Variants in PAPPA2 observed in about 807,000 individuals in gnomAD.
The protein encoded by PAPPA2 is pappalysin-2.
Under a neutral mutation model 176.4 loss-of-function variants are expected in PAPPA2, and 86 were observed. The observed-to-expected ratio is 0.49, with a 90% CI of 0.41 to 0.58. The LOEUF is 0.58. PAPPA2 is among the 20% of genes least tolerant of loss of function. The pLI is 0.00. For missense variants in PAPPA2, 2,073 were observed against 2,256.9 expected (o/e 0.92, Z 1.65); for synonymous variants, 809 against 852.2 (o/e 0.95, Z 0.88).
chr1:176,622,157 T>C lies in PAPPA2; in HGVS notation c.1991+26562T>C, dbSNP rs148441434. 1.1e-3 allele frequency among the ~76,000 whole-genome samples: 167 copies of C among 152,302 alleles called. 1 individual carries two copies. The highest frequency in any genetic ancestry group is 3.9e-3 in the African/African-American group (162 of 41,554). On this transcript the variant is annotated intron_variant, in intron 3 of 22. Coordinates refer to ENST00000367662, the MANE Select transcript of PAPPA2 (RefSeq NM_020318.3). ...TAGTGCTTCTGAGACACTGGGGTTA[T>C]TTCAGGCAACATTTACACTGAGTTT... is the stretch of plus-strand genomic sequence containing the variant.
At chr1:176,636,063 T>C (rs191248449) in intron 3 of PAPPA2, among the ~76,000 whole-genome samples, 226 of 152,246 alleles carry the variant, frequency 1.5e-3, no homozygotes, top group African/African-American at 5.3e-3. Context: ...TATTCTTCGA[T>C]GTTCTTTCCT....
intron 21 of PAPPA2, among the ~76,000 whole-genome samples, chr1:176,819,115 C>T (rs1178144388): frequency 1.3e-5 from 2 of 152,030 alleles, no homozygotes; most frequent in Admixed American, 1.3e-4. Flanking sequence ...GGCAGATGGT[C>T]AATAGTTTTT....
rs552563670 is a variant in PAPPA2 at position 176,751,288 on chromosome 1, C to T, written c.4151+11092C>T. Among the ~76,000 whole-genome samples, 11 of 151,964 alleles carry T rather than the reference C, an allele frequency of 7.2e-5. No homozygotes were observed. The East Asian group carries it at 1.7e-3, about 24-fold the overall frequency. On this transcript the variant is annotated intron_variant, in intron 14 of 22. Coordinates refer to ENST00000367662, the MANE Select transcript of PAPPA2 (RefSeq NM_020318.3). ...GTCAGGACATAGGCGTGGGCAAGGA[C>T]TTCATGTCCAAAACACCAAAAGCAA...
chr1:176,671,806 C>T (rs889417729), intron 4 of PAPPA2, among the ~76,000 whole-genome samples: 2 of 149,544 alleles, frequency 1.3e-5, no homozygotes, highest in Admixed American at 1.3e-4. Flanking sequence ...TAAACTATCG[C>T]AAGAACAAAA....
chr1:176,537,719 A>AGTGTGTGT (rs57602344), intron 1 of PAPPA2, among the ~76,000 whole-genome samples: 22,870 of 143,730 alleles, frequency 0.16, 1,803 homozygotes, highest in East Asian at 0.23. Flanking sequence ...GTAGGTATGG[A>AGTGTGTGT]GTGTGTGTGT....
chr1:176,583,781 A>G (rs1219527078), intron 2 of PAPPA2, among the ~76,000 whole-genome samples: 1 of 152,148 alleles, frequency 6.6e-6, no homozygotes, highest in East Asian at 1.9e-4. Context: ...GAGGCTAGGC[A>G]TAATGGCTCA....
Position 176,765,674 on chromosome 1 carries a change from A to T in PAPPA2, c.4160A>T (p.His1387Leu). Residue 1387 changes from histidine (H) to leucine (L), a missense_variant, in exon 15 of 23, where the codon CAT becomes CTT. This residue lies in a region of PAPPA2 where 846 missense variants were observed against 857.9 expected (regional missense o/e 0.99). Transcript: ENST00000367662. Reference protein sequence around the residue: ...GQNHQGQSCIHRPCGKQDSCP... With the variant: ...GQNHQGQSCILRPCGKQDSCP... ...TATTTCTCTTATCCCAGCTGTATCC[A>T]TCGGCCCTGTGGGAAGCAGGACAGC... is the stretch of plus-strand genomic sequence containing the variant. 6.2e-7 allele frequency: 1 copy of T among 1,613,946 alleles called. No homozygotes were observed. Among genetic ancestry groups the T allele is most frequent in the Non-Finnish European group, 8.5e-7 (1 of 1,179,930 alleles).
intron 3 of PAPPA2, among the ~76,000 whole-genome samples, chr1:176,598,870 G>A (rs1288057658): frequency 7.9e-5 from 12 of 152,168 alleles, no homozygotes; most frequent in African/African-American, 2.9e-4. Context: ...GGGGGTTAGA[G>A]CTACTGTGTC....
chr1:176,813,406 A>G (rs1427344360), intron 21 of PAPPA2, among the ~76,000 whole-genome samples: 1 of 152,178 alleles, frequency 6.6e-6, no homozygotes, highest in East Asian at 1.9e-4. Flanking sequence ...ACTCTCATCA[A>G]CAGTGTAAAA....
chr1:176,530,796 A>G (rs1649768697), intron 1 of PAPPA2, among the ~76,000 whole-genome samples: 1 of 152,242 alleles, frequency 6.6e-6, no homozygotes, highest in Admixed American at 6.5e-5. Flanking sequence ...TATTAGGGGC[A>G]TACATTTCAT....
chr1:176,587,979 T>A (rs1464662563), intron 2 of PAPPA2, among the ~76,000 whole-genome samples: 1 of 152,262 alleles, frequency 6.6e-6, no homozygotes, highest in Non-Finnish European at 1.5e-5. Flanking sequence ...GGAGTAGCAT[T>A]GAATCTATAC....
At chr1:176,722,419 CTTTTTTT>C (rs34221424) in intron 12 of PAPPA2, among the ~76,000 whole-genome samples, 1 of 124,032 alleles carries the variant, frequency 8.1e-6, no homozygotes, top group Non-Finnish European at 1.7e-5. Flanking sequence ...TATACATTTC[CTTTTTTT>C]TTTTTTTTTT....
chr1:176,474,576 T>C (rs959053584), intron 1 of PAPPA2, among the ~76,000 whole-genome samples: 5 of 152,178 alleles, frequency 3.3e-5, no homozygotes, highest in African/African-American at 1.2e-4. Context: ...GAAACGGTGG[T>C]ATCCAGATAA....
At chr1:176,675,579 A>G (rs978827888) in intron 4 of PAPPA2, among the ~76,000 whole-genome samples, 14 of 152,072 alleles carry the variant, frequency 9.2e-5, no homozygotes, top group Admixed American at 3.3e-4. Flanking sequence ...GAAAATTTAC[A>G]AACTGAAGCT....
chr1:176,786,375 G>A (rs951178604), intron 17 of PAPPA2, among the ~76,000 whole-genome samples: 1 of 152,080 alleles, frequency 6.6e-6, no homozygotes. Flanking sequence ...GTGAGGGTGG[G>A]GGGATTTTAG....
At chr1:176,762,421 G>A (rs140564257) in intron 14 of PAPPA2, among the ~76,000 whole-genome samples, 1 of 152,232 alleles carries the variant, frequency 6.6e-6, no homozygotes, top group Non-Finnish European at 1.5e-5. Context: ...CAGAGCATTT[G>A]TTTTGTGTCT....
At chr1:176,571,868 T>A (rs1000611405) in intron 2 of PAPPA2, among the ~76,000 whole-genome samples, 2 of 152,234 alleles carry the variant, frequency 1.3e-5, no homozygotes, top group African/African-American at 4.8e-5. Context: ...CATTAACTTA[T>A]GGGTTCAGCC....
chr1:176,610,800 C>T (rs956048531), intron 3 of PAPPA2, among the ~76,000 whole-genome samples: 1 of 152,126 alleles, frequency 6.6e-6, no homozygotes, highest in Non-Finnish European at 1.5e-5. Flanking sequence ...GTCACAATGG[C>T]CTTTTTTGCA....
At chr1:176,486,403 C>T (rs551180880) in intron 1 of PAPPA2, among the ~76,000 whole-genome samples, 275 of 152,296 alleles carry the variant, frequency 1.8e-3, no homozygotes, top group Non-Finnish European at 3.1e-3. Flanking sequence ...CCCTTGACCT[C>T]AAGGAGTATA....
Sources: gnomAD v4.1 joint callset for allele counts (sites outside exome capture counted in the v4.1 genomes callset) on GRCh38, gnomAD v4.1.1 for gene constraint, gnomAD v4.1.1 regional missense constraint, MANE v1.5 for transcripts, NCBI Gene and HGNC (gene_info 2026-07-23, HGNC 2026-07-21) for gene names.